Variants in NAV3 observed in about 807,000 individuals in gnomAD.
NAV3 encodes the protein pore membrane and/or filament interacting like protein 1.
In NAV3, 87 loss-of-function variants were observed where a neutral mutation model predicts 244.7. The ratio of observed to expected loss-of-function variants is 0.36; its 90% confidence interval spans 0.30 to 0.42. The LOEUF (loss-of-function observed/expected upper bound fraction) is 0.42. Among genes scored for constraint, NAV3 ranks in the 20% least tolerant of loss-of-function variants. The pLI, the probability that NAV3 is intolerant of heterozygous loss-of-function variation, is 1.00. For synonymous variants in NAV3, 1,126 were observed against 1,042.2 expected (o/e 1.08, Z -1.55); for missense variants, 2,663 against 2,893.3 (o/e 0.92, Z 1.83).
At chr12:77,839,666 T>C (rs1401271549) in intron 1 of NAV3, among the ~76,000 whole-genome samples, 2 of 152,196 alleles carry the variant, frequency 1.3e-5, no homozygotes, top group East Asian at 3.8e-4. Context: ...TATTATAATA[T>C]TATAAAAGTA....
At position 77,831,404 on chromosome 12, in the gene NAV3, A is replaced by G; in HGVS notation, c.-58A>G. The G allele has an allele frequency of 6.6e-7, 1 of 1,514,042 alleles. No individual in the cohort carries two copies. Among genetic ancestry groups the G allele is most frequent in the Admixed American group, 2.3e-5 (1 of 44,064 alleles). 93.8% of individuals were successfully genotyped at this position (1,514,042 alleles called of 1,614,324 possible). A position where few individuals can be genotyped will look rare whatever the true frequency, so the allele number is the denominator to read the frequency against. Reference sequence around the variant, plus strand: ...TCTGGAAATACTAAAGTTGGAGTCTACCAGACTGAGGTTAGAAGCATTTTC... The same window carrying G: ...TCTGGAAATACTAAAGTTGGAGTCTGCCAGACTGAGGTTAGAAGCATTTTC... On this transcript the variant is annotated 5_prime_UTR_variant, in exon 1 of 40. Coordinates refer to ENST00000397909, the MANE Select transcript of NAV3 (RefSeq NM_001024383.2).
chr12:78,082,828 G>A (rs915363515), intron 12 of NAV3, among the ~76,000 whole-genome samples: 7 of 151,962 alleles, frequency 4.6e-5, no homozygotes, highest in African/African-American at 1.7e-4. Context: ...ATTTCTTCTT[G>A]AAACATGCCC....
At chr12:77,794,753 T>A (rs1158739010) in intron 2 of NAV3, among the ~76,000 whole-genome samples, 1 of 152,228 alleles carries the variant, frequency 6.6e-6, no homozygotes, top group Non-Finnish European at 1.5e-5. Flanking sequence ...TTTTTAATTA[T>A]TATTGTATTT....
At chr12:77,707,730 C>T (rs2137234595) in intron 2 of NAV3, among the ~76,000 whole-genome samples, 1 of 152,228 alleles carries the variant, frequency 6.6e-6, no homozygotes, top group Admixed American at 6.5e-5. Flanking sequence ...CCGGTTGTTT[C>T]CTGACTTTTT....
intron 2 of NAV3, among the ~76,000 whole-genome samples, chr12:77,720,194 T>A (rs971724246): frequency 1.3e-5 from 2 of 151,944 alleles, no homozygotes; most frequent in Admixed American, 1.3e-4. Flanking sequence ...ACCTGGCTAA[T>A]GGTTTATCAA....
At chr12:77,810,500 G>C (rs1158247359) in intron 2 of NAV3, among the ~76,000 whole-genome samples, 1 of 152,074 alleles carries the variant, frequency 6.6e-6, no homozygotes, top group Non-Finnish European at 1.5e-5. Context: ...TCAATAATCT[G>C]ATCTTTTATT....
chr12:78,188,760 T>C lies in NAV3; in HGVS notation c.6038T>C (p.Ile2013Thr). 1 of 1,611,694 alleles carries C rather than the reference T, an allele frequency of 6.2e-7. No homozygotes were observed. The highest frequency in any genetic ancestry group is 8.5e-7 in the Non-Finnish European group (1 of 1,178,546). The change falls in exon 33 of 40, where the codon ATC (isoleucine) becomes ACC (threonine). Residue 2013 changes from isoleucine to threonine, a missense_variant. By Grantham distance (89) the Ile-to-Thr change is moderately conservative (BLOSUM62 -1). Around this residue, in one of 6 missense-constraint regions of NAV3, gnomAD observed 543 missense variants for 672.4 expected, o/e 0.81. Transcript: ENST00000397909. ...TACCTTGTTGGAGATAATAACATCA[T>C]CACTGTGAACCTCAAAGGTAAAAGC... ...CGYLVGDNNI[I>T]TVNLKGVEEN... is the part of the protein sequence containing the mutation.
chr12:77,759,751 G>A (rs971618956), intron 2 of NAV3, among the ~76,000 whole-genome samples: 6 of 136,304 alleles, frequency 4.4e-5, no homozygotes, highest in African/African-American at 1.1e-4. Context: ...TGGTGAAGAC[G>A]GTCTGATTTT....
intron 1 of NAV3, among the ~76,000 whole-genome samples, chr12:77,925,910 A>G (rs1888167198): frequency 6.6e-6 from 1 of 152,234 alleles, no homozygotes; most frequent in South Asian, 2.1e-4. Context: ...TTATGAAAAT[A>G]GGATGCCCTC....
chr12:77,837,413 A>G (rs1342566017), intron 1 of NAV3, among the ~76,000 whole-genome samples: 4 of 152,108 alleles, frequency 2.6e-5, no homozygotes, highest in African/African-American at 4.8e-5. Flanking sequence ...GACAGGTCTA[A>G]TATTAACCAA....
chr12:77,904,029 A>G (rs559149869), intron 1 of NAV3, among the ~76,000 whole-genome samples: 2,691 of 152,188 alleles, frequency 0.018, 34 homozygotes, highest in Non-Finnish European at 0.03. Flanking sequence ...AAATAGGAAC[A>G]CTTTTACACT....
chr12:77,578,332 A>G (rs1555183099), intron 2 of NAV3, among the ~76,000 whole-genome samples: 1 of 147,834 alleles, frequency 6.8e-6, no homozygotes, highest in Non-Finnish European at 1.5e-5. Context: ...CCCTTGCCCT[A>G]CAGACAGTTT....
chr12:77,859,614 G>A (rs11107046), intron 1 of NAV3, among the ~76,000 whole-genome samples: 104,855 of 147,778 alleles, frequency 0.71, 39,027 homozygotes, highest in Non-Finnish European at 0.83. Context: ...AACTTAAAGT[G>A]TAATAAAAAA....
intron 2 of NAV3, among the ~76,000 whole-genome samples, chr12:77,631,882 C>T (rs1326331239): frequency 6.6e-6 from 1 of 152,134 alleles, no homozygotes; most frequent in East Asian, 1.9e-4. Context: ...CCTAAACCAC[C>T]AAAATGTACT....
Position 78,044,176 on chromosome 12 carries a change from G to A in NAV3, c.2024-5817G>A, listed in dbSNP as rs544534758. On this transcript the variant is annotated intron_variant, in intron 9 of 39. Transcript: ENST00000397909. ...CTAGCCAGTTTTCCCAGCACCATTT[G>A]TTAAATAGGGAATCCTTTCCCCATT... 1.4e-4 allele frequency among the ~76,000 whole-genome samples: 21 copies of A among 152,166 alleles called. 1 individual carries two copies. The highest frequency in any genetic ancestry group is 3.4e-4 in the African/African-American group (14 of 41,540).
At chr12:77,649,124 A>C (rs1872719177) in intron 2 of NAV3, among the ~76,000 whole-genome samples, 1 of 152,162 alleles carries the variant, frequency 6.6e-6, no homozygotes, top group Non-Finnish European at 1.5e-5. Flanking sequence ...ACAGCTTTAC[A>C]GAGAGACCAC....
chr12:78,180,671 G>T (rs1024609236), intron 29 of NAV3, among the ~76,000 whole-genome samples, 200 bp from the exon 30 acceptor site: 1 of 151,954 alleles, frequency 6.6e-6, no homozygotes, highest in African/African-American at 2.4e-5. Flanking sequence ...GTGAATTCAG[G>T]AATGTATAAT....
chr12:78,006,652 G>C lies in NAV3; in HGVS notation c.1114G>C (p.Glu372Gln), dbSNP rs368890894. 2 of 1,614,022 alleles carry C rather than the reference G, an allele frequency of 1.2e-6. No individual in the cohort carries two copies. Among genetic ancestry groups the C allele is most frequent in the Non-Finnish European group, 1.7e-6 (2 of 1,180,042 alleles). The change falls in exon 8 of 40, where the codon GAA becomes CAA. Residue 372 changes from glutamate to glutamine, a missense_variant. Glu to Gln is a conservative substitution (Grantham distance 29). This residue lies in a region of NAV3 where 1,521 missense variants were observed against 1,497.0 expected (regional missense o/e 1.02). Transcript: ENST00000397909. ...AGACAGACTGAAGCCACCTGTCTCA[G>C]AAGGGGTCAAAACTGCTCCCTCAGG... Reference protein sequence around the residue: ...SSDRLKPPVSEGVKTAPSGQK... With the variant: ...SSDRLKPPVSQGVKTAPSGQK...
chr12:78,071,318 T>G (rs1346198869), intron 12 of NAV3, among the ~76,000 whole-genome samples: 6 of 152,194 alleles, frequency 3.9e-5, no homozygotes, highest in Admixed American at 3.9e-4. Flanking sequence ...GATGAGTATC[T>G]TTTCTTGTGT....
Sources: gnomAD v4.1 joint callset for allele counts (sites outside exome capture counted in the v4.1 genomes callset) on GRCh38, gnomAD v4.1.1 for gene constraint, gnomAD v4.1.1 regional missense constraint, MANE v1.5 for transcripts, NCBI Gene and HGNC (gene_info 2026-07-23, HGNC 2026-07-21) for gene names.